The following PDE10A variants were observed in gnomAD, a reference collection of about 807,000 sequenced individuals.
PDE10A encodes cAMP and cAMP-inhibited cGMP 3',5'-cyclic phosphodiesterase 10A.
PDE10A carries 39 observed loss-of-function variants against 97.7 expected under a neutral mutation model. The ratio of observed to expected loss-of-function variants is 0.40; its 90% confidence interval spans 0.31 to 0.52. The LOEUF is 0.52. PDE10A is among the 20% of genes least tolerant of loss of function. The probability of loss-of-function intolerance (pLI) is 0.56; values close to 1 mark genes in which losing one functional copy is unlikely to be tolerated. For missense variants in PDE10A, 731 were observed against 1,047.8 expected (o/e 0.70, Z 4.17); for synonymous variants, 371 against 376.8 (o/e 0.98, Z 0.18).
chr6:165,358,420 T>C (rs546049819), intron 18 of PDE10A, among the ~76,000 whole-genome samples: 3 of 152,238 alleles, frequency 2.0e-5, no homozygotes, highest in East Asian at 3.9e-4. Flanking sequence ...TTTTGTACAT[T>C]GACCATTTCA....
At chr6:165,371,666 C>T (rs1359617450) in intron 18 of PDE10A, among the ~76,000 whole-genome samples, 1 of 152,152 alleles carries the variant, frequency 6.6e-6, no homozygotes, top group African/African-American at 2.4e-5. Context: ...GAACTGGTAC[C>T]ATTCCTTCTG....
intron 1 of PDE10A, among the ~76,000 whole-genome samples, chr6:165,607,586 C>T (rs1787271939): frequency 6.6e-6 from 1 of 152,138 alleles, no homozygotes; most frequent in African/African-American, 2.4e-5. Context: ...CCTAGTGATG[C>T]ATGTCTCAGA....
intron 1 of PDE10A, among the ~76,000 whole-genome samples, chr6:165,579,407 T>A (rs1435189725): frequency 6.6e-6 from 1 of 152,172 alleles, no homozygotes; most frequent in Non-Finnish European, 1.5e-5. Flanking sequence ...AGATGACCAG[T>A]TACATGCACA....
chr6:165,459,522 T>TAGACAGAC (rs138521828), intron 3 of PDE10A, among the ~76,000 whole-genome samples: 94 of 106,114 alleles, frequency 8.9e-4, no homozygotes, highest in Non-Finnish European at 9.8e-4. Flanking sequence ...GATAGATAGA[T>TAGACAGAC]AGACAGACAG....
intron 1 of PDE10A, among the ~76,000 whole-genome samples, chr6:165,942,165 A>C (rs1482921446): frequency 6.6e-6 from 1 of 152,164 alleles, no homozygotes; most frequent in Non-Finnish European, 1.5e-5. Context: ...CATTTATTAA[A>C]TATTCCAGTT....
chr6:165,882,506 A>G (rs1781510050), intron 1 of PDE10A, among the ~76,000 whole-genome samples: 1 of 152,222 alleles, frequency 6.6e-6, no homozygotes, highest in Non-Finnish European at 1.5e-5. Context: ...CACTGGCTTA[A>G]AAAGGATAAC....
At chr6:165,386,143 GC>G (rs571987122) in intron 17 of PDE10A, among the ~76,000 whole-genome samples, 103 of 152,200 alleles carry the variant, frequency 6.8e-4, no homozygotes, top group African/African-American at 2.3e-3. Context: ...TAATCTGCAA[GC>G]CCCACATCGC....
At chr6:165,926,718 C>G (rs567592823) in intron 1 of PDE10A, among the ~76,000 whole-genome samples, 5 of 152,250 alleles carry the variant, frequency 3.3e-5, no homozygotes, top group African/African-American at 1.2e-4. Context: ...AAAGACGTGT[C>G]AGACAGGCTG....
intron 1 of PDE10A, among the ~76,000 whole-genome samples, chr6:165,643,216 T>C (rs886335821): frequency 7.9e-5 from 12 of 151,656 alleles, no homozygotes; most frequent in Non-Finnish European, 1.6e-4. Context: ...GGTGGATGGA[T>C]AGATAGGTGA....
At chr6:165,595,784 T>C (rs1047850621) in intron 1 of PDE10A, among the ~76,000 whole-genome samples, 1 of 152,210 alleles carries the variant, frequency 6.6e-6, no homozygotes, top group African/African-American at 2.4e-5. Context: ...CCTATGTGTC[T>C]GCACATGGCT....
In PDE10A at chr6:165,567,504, T is replaced by C. The variant is rs183414133; in HGVS notation, c.866-23936A>G. 2.4e-4 allele frequency among the ~76,000 whole-genome samples: 36 copies of C among 152,348 alleles called. No individual in the cohort carries two copies. In the East Asian group the frequency reaches 6.2e-3, roughly 26 times the overall value. ...TAATGTTTATTGTCCTATGCCTTTATGCACACTGACTCCACTGCTAATAGT... is the reference window on the plus strand; with the variant it reads ...TAATGTTTATTGTCCTATGCCTTTACGCACACTGACTCCACTGCTAATAGT... On this transcript the variant is annotated intron_variant, in intron 1 of 21. Coordinates refer to ENST00000539869, the MANE Select transcript of PDE10A (RefSeq NM_001385079.1).
chr6:165,384,355 C>G (rs1387057118), intron 17 of PDE10A, among the ~76,000 whole-genome samples: 2 of 152,084 alleles, frequency 1.3e-5, no homozygotes, highest in South Asian at 2.1e-4. Flanking sequence ...GAGCTCTACA[C>G]AGCGACGGGC....
chr6:165,963,033 T>C (rs1784404749), intron 1 of PDE10A, among the ~76,000 whole-genome samples: 1 of 152,180 alleles, frequency 6.6e-6, no homozygotes, highest in African/African-American at 2.4e-5. Context: ...AAAACATCAG[T>C]CTATTCGGGA....
intron 1 of PDE10A, among the ~76,000 whole-genome samples, chr6:165,954,034 C>G (rs1208379572): frequency 6.6e-6 from 1 of 152,212 alleles, no homozygotes; most frequent in Non-Finnish European, 1.5e-5. Context: ...GCTTCTTTCA[C>G]TAAGTAATGT....
chr6:165,701,582 C>T (rs1477795103), intron 1 of PDE10A, among the ~76,000 whole-genome samples: 3 of 152,092 alleles, frequency 2.0e-5, no homozygotes, highest in African/African-American at 7.2e-5. Context: ...AGTTGCAGAA[C>T]AGCAAGAGAA....
intron 17 of PDE10A, among the ~76,000 whole-genome samples, chr6:165,380,472 T>C (rs1373001803): frequency 6.6e-6 from 1 of 152,202 alleles, no homozygotes; most frequent in Non-Finnish European, 1.5e-5. Flanking sequence ...CTTAAAGTCT[T>C]AGAAGTATTT....
At chr6:165,765,893 C>G (rs1411099854) in intron 1 of PDE10A, among the ~76,000 whole-genome samples, 2 of 152,222 alleles carry the variant, frequency 1.3e-5, no homozygotes, top group Admixed American at 6.5e-5. Flanking sequence ...TTGTCATATT[C>G]CATCGCAATT....
chr6:165,886,633 G>GA (rs1781639364), intron 1 of PDE10A, among the ~76,000 whole-genome samples: 1 of 152,204 alleles, frequency 6.6e-6, no homozygotes, highest in African/African-American at 2.4e-5. Flanking sequence ...TTTTTGAAGG[G>GA]AAAATATGTC....
At chr6:165,606,153 G>GAAAAAAAAAAAAA (rs71029555) in intron 1 of PDE10A, among the ~76,000 whole-genome samples, 2 of 113,278 alleles carry the variant, frequency 1.8e-5, no homozygotes, top group Non-Finnish European at 3.5e-5. Context: ...ACGAACAAGC[G>GAAAAAAAAAAAAA]AAAAAAAAAA....
Sources: allele counts gnomAD v4.1 joint callset (sites outside exome capture counted in the v4.1 genomes callset), GRCh38; gene constraint gnomAD v4.1.1; transcripts MANE v1.5; gene names NCBI Gene and HGNC (gene_info 2026-07-23, HGNC 2026-07-21).